The following BMP2K variants were observed in gnomAD, a reference collection of about 807,000 sequenced individuals.
BMP2K encodes BMP-2-inducible protein kinase.
Under a neutral mutation model 116.0 loss-of-function variants are expected in BMP2K, and 74 were observed. The observed-to-expected ratio is 0.64, with a 90% CI of 0.53 to 0.77. The LOEUF is 0.77. Ranked by LOEUF, BMP2K falls within the 30% of genes least tolerant of loss-of-function variation. The probability of loss-of-function intolerance (pLI) is 0.00; values close to 1 mark genes in which losing one functional copy is unlikely to be tolerated. For missense variants in BMP2K, 1,365 were observed against 1,403.6 expected, an observed-to-expected ratio of 0.97 and a Z score of 0.44; for synonymous variants, 486 against 502.5, an observed-to-expected ratio of 0.97 and a Z score of 0.44.
intron 7 of BMP2K, among the ~76,000 whole-genome samples, chr4:78,854,926 GA>G (rs999195875): frequency 1.6e-4 from 23 of 145,932 alleles, no homozygotes; most frequent in East Asian, 6.0e-4. Flanking sequence ...TATTATTTTT[GA>G]AAAAAAAAAT....
chr4:78,886,872 T>C (rs557132613), intron 14 of BMP2K, among the ~76,000 whole-genome samples: 1 of 152,190 alleles, frequency 6.6e-6, no homozygotes, highest in Non-Finnish European at 1.5e-5. Context: ...TGGGTTTGAG[T>C]TCAGGCCCAA....
intron 13 of BMP2K, among the ~76,000 whole-genome samples, chr4:78,874,175 TCACACA>T (rs148882911): frequency 6.7e-6 from 1 of 148,406 alleles, no homozygotes; most frequent in Non-Finnish European, 1.5e-5. Context: ...AGACTCCATC[TCACACA>T]CACACACACA....
Position 78,845,040 on chromosome 4 carries a change from A to G in BMP2K, c.659A>G (p.Glu220Gly). The G allele has an allele frequency of 6.3e-7, 1 of 1,576,846 alleles. No individual in the cohort carries two copies. The highest frequency in any genetic ancestry group is 1.1e-5 in the South Asian group (1 of 87,354). The change falls in exon 5 of 16, where the codon GAA (glutamate) becomes GGA (glycine). Residue 220 changes from glutamate (E) to glycine (G), a missense_variant. Glu to Gly is a moderately conservative substitution (Grantham distance 98, BLOSUM62 -2). This residue lies in a region of BMP2K where 762 missense variants were observed against 756.7 expected (regional missense o/e 1.01). Transcript: ENST00000502613. Reference protein sequence around the residue: ...QKDGVNVVEEEIKKYTTLSYR... With the variant: ...QKDGVNVVEEGIKKYTTLSYR... The stretch of plus-strand genomic sequence containing the variant: ...GATGGAGTTAATGTAGTAGAAGAAG[A>G]AATTAAAAAGTAAGTATTTGTCTTT...
chr4:78,782,336 A>T (rs1727541840), intron 1 of BMP2K, among the ~76,000 whole-genome samples: 1 of 152,214 alleles, frequency 6.6e-6, no homozygotes, highest in South Asian at 2.1e-4. Context: ...CATCTCCACT[A>T]CCAGATAGTA....
At chr4:78,909,866 A>G (rs1413880081) in intron 15 of BMP2K, among the ~76,000 whole-genome samples, 1 of 152,236 alleles carries the variant, frequency 6.6e-6, no homozygotes, top group African/African-American at 2.4e-5. Context: ...AAAGTGCCCT[A>G]TATTTCTTTC....
At chr4:78,830,932 G>A (rs867061695) in intron 2 of BMP2K, among the ~76,000 whole-genome samples, 22 of 152,234 alleles carry the variant, frequency 1.4e-4, no homozygotes, top group African/African-American at 5.1e-4. Context: ...CATGGGAGTA[G>A]CACTTTTAAC....
intron 5 of BMP2K, among the ~76,000 whole-genome samples, chr4:78,845,626 G>A (rs867538304): frequency 3.7e-4 from 56 of 151,586 alleles, no homozygotes; most frequent in African/African-American, 1.2e-3. Context: ...ATCTTTCGCT[G>A]ACTCTTCTGC....
intron 1 of BMP2K, among the ~76,000 whole-genome samples, chr4:78,793,586 G>A (rs1728112812): frequency 6.6e-6 from 1 of 152,040 alleles, no homozygotes; most frequent in Non-Finnish European, 1.5e-5. Flanking sequence ...AAGGGATCCT[G>A]AGGCCAAAAG....
At chr4:78,827,893 G>T (rs941524228) in intron 2 of BMP2K, among the ~76,000 whole-genome samples, 1 of 152,182 alleles carries the variant, frequency 6.6e-6, no homozygotes, top group African/African-American at 2.4e-5. Flanking sequence ...TGGAACTGTC[G>T]TCTGTAAACC....
At chr4:78,826,258 G>A in intron 2 of BMP2K, 103 bp downstream of exon 2, 1 of 851,938 alleles carries the variant, frequency 1.2e-6, no homozygotes, top group Non-Finnish European at 1.9e-6. Context: ...CTGGAGCGCA[G>A]TGGCGTGATC....
At chr4:78,854,557 G>A (rs1396226471) in intron 7 of BMP2K, among the ~76,000 whole-genome samples, 1 of 152,056 alleles carries the variant, frequency 6.6e-6, no homozygotes, top group African/African-American at 2.4e-5. Flanking sequence ...ATAGGCATGA[G>A]GCACTGCGCC....
chr4:78,899,871 A>C (rs899208982), intron 15 of BMP2K, among the ~76,000 whole-genome samples: 6 of 152,332 alleles, frequency 3.9e-5, no homozygotes, highest in Non-Finnish European at 8.8e-5. Context: ...TCTTTCCAAG[A>C]GTCCAGCTGT....
chr4:78,906,367 C>A (rs187507290), intron 15 of BMP2K, among the ~76,000 whole-genome samples: 1 of 151,714 alleles, frequency 6.6e-6, no homozygotes, highest in Non-Finnish European at 1.5e-5. Context: ...TGTAGGGGGG[C>A]AAAATAAGTA....
Position 78,870,994 on chromosome 4 carries a change from G to GCAACAGCAA in BMP2K, c.1445_1446insACAGCAACA (p.Gln484_Gln486dup). ...AGCAGCAACAGCAACAGCAGCAGCAGCAGCAGCAGCAGCAGCACCACCACC... is the reference window on the plus strand; with the variant it reads ...AGCAGCAACAGCAACAGCAGCAGCAGCAACAGCAACAGCAGCAGCAGCAGCACCACCACC... On this transcript the variant is annotated inframe_insertion, in exon 11 of 16. Coordinates refer to ENST00000502613, the MANE Select transcript of BMP2K (RefSeq NM_198892.2). 1.3e-6 allele frequency: 2 copies of GCAACAGCAA among 1,514,704 alleles called. No individual in the cohort carries two copies. Among genetic ancestry groups the GCAACAGCAA allele is most frequent in the Non-Finnish European group, 1.8e-6 (2 of 1,102,110 alleles). The allele number at this position is 1,514,704 out of a possible 1,614,324, so 93.8% of individuals were successfully genotyped here.
chr4:78,895,706 C>T (rs1733666324), intron 15 of BMP2K, among the ~76,000 whole-genome samples: 1 of 152,018 alleles, frequency 6.6e-6, no homozygotes, highest in African/African-American at 2.4e-5. Flanking sequence ...TTTTATGGAG[C>T]AAAAGGACTA....
At position 78,779,255 on chromosome 4, in the gene BMP2K, TTAAA is replaced by T. The variant is rs1465880442; in HGVS notation, c.178+2537_178+2540del. On this transcript the variant is annotated intron_variant, in intron 1 of 15. Transcript: ENST00000502613. ...AACCTTGTTTTATGTCTGTTGCAGT[TTAAA>T]TACACCTTATTTAATATATTTGGTT... Among the ~76,000 whole-genome samples, 5 of 152,224 alleles carry T rather than the reference TTAAA, an allele frequency of 3.3e-5. No individual in the cohort carries two copies. The South Asian group carries it at 6.2e-4, about 19-fold the overall frequency.
Position 78,871,132 on chromosome 4 carries a change from CT to C in BMP2K, c.1509+77del. The C allele has an allele frequency of 1.9e-6, 3 of 1,564,590 alleles. No individual in the cohort carries two copies. In the South Asian group the frequency reaches 3.6e-5, roughly 19 times the overall value. The stretch of plus-strand genomic sequence containing the variant: ...CAGCAAATTGAATATCAGTGAATTC[CT>C]TTTTGTATCATGGGCACCTTGAACT... On this transcript the variant is annotated intron_variant, in intron 11 of 15. Transcript: ENST00000502613.
At chr4:78,794,157 T>G (rs1167907397) in intron 1 of BMP2K, among the ~76,000 whole-genome samples, 1 of 152,124 alleles carries the variant, frequency 6.6e-6, no homozygotes, top group Non-Finnish European at 1.5e-5. Flanking sequence ...TTGTAGTTAC[T>G]TGGGTACTGC....
At chr4:78,792,349 C>T (rs1285288827) in intron 1 of BMP2K, among the ~76,000 whole-genome samples, 5 of 152,120 alleles carry the variant, frequency 3.3e-5, no homozygotes, top group South Asian at 2.1e-4. Context: ...GAAGCAGTAT[C>T]GTGTAATTGA....
Sources: gnomAD v4.1 joint callset for allele counts (sites outside exome capture counted in the v4.1 genomes callset) on GRCh38, gnomAD v4.1.1 for gene constraint, gnomAD v4.1.1 regional missense constraint, MANE v1.5 for transcripts, NCBI Gene and HGNC (gene_info 2026-07-23, HGNC 2026-07-21) for gene names.